NUBPL: variants seen among roughly 807,000 people sequenced by gnomAD.
NUBPL encodes the protein iron-sulfur cluster transfer protein NUBPL.
NUBPL carries 31 observed loss-of-function variants against 45.7 expected under a neutral mutation model. The ratio of observed to expected loss-of-function variants is 0.68; its 90% confidence interval spans 0.51 to 0.92. The LOEUF is 0.92. NUBPL is among the 40% of genes least tolerant of loss of function. NUBPL has a pLI of 0.00. For missense variants in NUBPL, 401 were observed against 398.7 expected (o/e 1.01, Z -0.05); for synonymous variants, 144 against 140.9 (o/e 1.02, Z -0.15).
intron 3 of NUBPL, among the ~76,000 whole-genome samples, chr14:31,594,664 T>G (rs1332483089): frequency 6.6e-6 from 1 of 152,230 alleles, no homozygotes; most frequent in African/African-American, 2.4e-5. Context: ...TATCACCTTG[T>G]TAACCATTAG....
At chr14:31,692,180 C>T (rs1483786975) in intron 6 of NUBPL, among the ~76,000 whole-genome samples, 1 of 152,038 alleles carries the variant, frequency 6.6e-6, no homozygotes, top group Non-Finnish European at 1.5e-5. Context: ...TCTATTTTGA[C>T]TTTAATAATT....
At chr14:31,625,972 G>T (rs1448620637) in intron 4 of NUBPL, among the ~76,000 whole-genome samples, 1 of 151,872 alleles carries the variant, frequency 6.6e-6, no homozygotes, top group East Asian at 1.9e-4. Context: ...CAAGAGAGTT[G>T]GGTATATTTT....
chr14:31,577,933 C>T (rs1304513365), intron 3 of NUBPL: 1 of 1,286,380 alleles, frequency 7.8e-7, no homozygotes, highest in Non-Finnish European at 1.0e-6. Context: ...TATCTCATGC[C>T]ATTAGAGTGA....
intron 4 of NUBPL, among the ~76,000 whole-genome samples, chr14:31,665,178 C>T (rs770773683): frequency 7.9e-5 from 12 of 152,076 alleles, no homozygotes; most frequent in Non-Finnish European, 1.6e-4. Context: ...AAAACCAGCT[C>T]CTGGATTCAT....
chr14:31,672,929 G>C (rs2036605836), intron 4 of NUBPL, among the ~76,000 whole-genome samples: 1 of 152,176 alleles, frequency 6.6e-6, no homozygotes, highest in South Asian at 2.1e-4. Context: ...TGTATTTCCA[G>C]TTTGGTATTC....
chr14:31,858,350 T>C (rs536909023), intron 10 of NUBPL, among the ~76,000 whole-genome samples: 4 of 152,230 alleles, frequency 2.6e-5, no homozygotes, highest in Admixed American at 2.6e-4. Flanking sequence ...CAATTATCAA[T>C]GTAGAAATTA....
intron 7 of NUBPL, among the ~76,000 whole-genome samples, chr14:31,802,281 T>C (rs1238528896): frequency 4.6e-5 from 1 of 21,696 alleles, no homozygotes; most frequent in Non-Finnish European, 1.4e-4. Context: ...TTCTTCTTCT[T>C]CTTCTTTTTT....
Position 31,859,491 on chromosome 14 carries a change from T to C in NUBPL, c.*311T>C. On this transcript the variant is annotated 3_prime_UTR_variant, in exon 11 of 11. Coordinates refer to ENST00000281081, the MANE Select transcript of NUBPL (RefSeq NM_025152.3). ...TTACAAGTCCATTTTGGGAGAGAAC[T>C]GTACACTTTTTGCAGGACCACAGAA... 2.6e-6 allele frequency: 1 copy of C among 390,558 alleles called. No individual in the cohort carries two copies. 24.2% of individuals were successfully genotyped at this position (390,558 alleles called of 1,614,324 possible). A position where few individuals can be genotyped will look rare whatever the true frequency, so the allele number is the denominator to read the frequency against.
rs137903303 is a variant in NUBPL, at chr14:31,641,007, A to G, written c.383-32348A>G. 1.6e-3 allele frequency among the ~76,000 whole-genome samples: 241 copies of G among 152,166 alleles called. 1 individual carries two copies. The highest frequency in any genetic ancestry group is 5.1e-3 in the African/African-American group (212 of 41,512). Reference sequence around the variant, plus strand: ...CCACTCTGTCACCAGGCTGGAGTGCAGTGACACGATCTCAGCTCACTGCAA... The same window carrying G: ...CCACTCTGTCACCAGGCTGGAGTGCGGTGACACGATCTCAGCTCACTGCAA... On this transcript the variant is annotated intron_variant, in intron 4 of 10. Transcript: ENST00000281081.
intron 4 of NUBPL, among the ~76,000 whole-genome samples, chr14:31,650,020 C>T (rs567538665): frequency 1.8e-4 from 27 of 151,924 alleles, no homozygotes; most frequent in East Asian, 1.2e-3. Flanking sequence ...CCACCATGCC[C>T]GGCTAATTTT....
At chr14:31,788,175 A>C (rs534571124) in intron 7 of NUBPL, among the ~76,000 whole-genome samples, 1 of 152,232 alleles carries the variant, frequency 6.6e-6, no homozygotes, top group African/African-American at 2.4e-5. Flanking sequence ...AAGAAAGTAC[A>C]TGCCAAGAAA....
At chr14:31,634,082 T>A (rs557861259) in intron 4 of NUBPL, among the ~76,000 whole-genome samples, 70 of 152,124 alleles carry the variant, frequency 4.6e-4, no homozygotes, top group East Asian at 1.3e-3. Flanking sequence ...TCTTTTTTTT[T>A]AATTTAATTT....
At chr14:31,791,157 G>A (rs1275047136) in intron 7 of NUBPL, among the ~76,000 whole-genome samples, 1 of 149,834 alleles carries the variant, frequency 6.7e-6, no homozygotes, top group East Asian at 2.0e-4. Flanking sequence ...GTGCACTTGT[G>A]GTCCCAGCTA....
intron 8 of NUBPL, among the ~76,000 whole-genome samples, chr14:31,839,291 A>G (rs2040332302): frequency 6.6e-6 from 1 of 152,198 alleles, no homozygotes; most frequent in African/African-American, 2.4e-5. Flanking sequence ...AAATAGAACA[A>G]TAGAGAGCCT....
chr14:31,597,883 T>C lies in NUBPL; in HGVS notation c.292-1406T>C, dbSNP rs147795519. On this transcript the variant is annotated intron_variant, in intron 3 of 10. Coordinates refer to ENST00000281081, the MANE Select transcript of NUBPL (RefSeq NM_025152.3). Reference sequence around the variant, plus strand: ...ATTTCTAGATTTAGGTCCCCTCATTTGAAAATCTTGTTATCCATAGTAAAT... The same window carrying C: ...ATTTCTAGATTTAGGTCCCCTCATTCGAAAATCTTGTTATCCATAGTAAAT... Among the ~76,000 whole-genome samples the C allele has an allele frequency of 1.5e-3, 232 of 151,848 alleles. 2 individuals carry two copies. The East Asian group carries it at 0.037, about 24-fold the overall frequency.
intron 6 of NUBPL, among the ~76,000 whole-genome samples, chr14:31,759,542 G>A (rs555059325): frequency 6.6e-6 from 1 of 152,002 alleles, no homozygotes; most frequent in East Asian, 1.9e-4. Context: ...CATATACTTA[G>A]CATTTTTTTG....
At chr14:31,845,037 A>G (rs1448690920) in intron 8 of NUBPL, 1 of 152,168 alleles carries the variant, frequency 6.6e-6, no homozygotes, top group Non-Finnish European at 1.5e-5. Flanking sequence ...CCGCCACTGC[A>G]TATTCCAAAA....
intron 4 of NUBPL, among the ~76,000 whole-genome samples, chr14:31,603,076 C>G (rs772254774): frequency 1.3e-4 from 20 of 151,708 alleles, no homozygotes; most frequent in Non-Finnish European, 2.4e-4. Flanking sequence ...CTTTGGGAGA[C>G]TGAGGTGGGA....
intron 6 of NUBPL, among the ~76,000 whole-genome samples, chr14:31,740,970 C>G (rs2038270335): frequency 6.6e-6 from 1 of 152,110 alleles, no homozygotes; most frequent in Admixed American, 6.6e-5. Flanking sequence ...CTTTTTATTT[C>G]TTAGAATTTC....
Sources: allele counts gnomAD v4.1 joint callset (sites outside exome capture counted in the v4.1 genomes callset), GRCh38; gene constraint gnomAD v4.1.1; transcripts MANE v1.5; gene names NCBI Gene and HGNC (gene_info 2026-07-23, HGNC 2026-07-21).